USH2A: variants seen among roughly 807,000 people sequenced by gnomAD.
USH2A encodes usherin.
USH2A carries 443 observed loss-of-function variants against 538.9 expected under a neutral mutation model. The ratio of observed to expected loss-of-function variants is 0.82; its 90% CI spans 0.76 to 0.89. The LOEUF is 0.89. USH2A is among the 40% of genes least tolerant of loss of function. The probability of loss-of-function intolerance (pLI) is 0.00; values close to 1 mark genes in which losing one functional copy is unlikely to be tolerated. For synonymous variants in USH2A, 2,413 were observed against 2,273.5 expected (o/e 1.06, Z -1.75); for missense variants, 6,633 against 6,324.8 (o/e 1.05, Z -1.65).
At chr1:216,166,782 T>C (rs1312757597) in intron 21 of USH2A, among the ~76,000 whole-genome samples, 1 of 152,054 alleles carries the variant, frequency 6.6e-6, no homozygotes, top group East Asian at 1.9e-4. Flanking sequence ...GGGAAGAAGC[T>C]GAGAAAAATG....
intron 36 of USH2A, 76 bp downstream of exon 36, chr1:215,970,549 G>A (rs573134981): frequency 5.1e-5 from 81 of 1,591,034 alleles, no homozygotes; most frequent in African/African-American, 2.6e-4. Context: ...GTGAGTCACC[G>A]CCACTTACTT....
intron 35 of USH2A, among the ~76,000 whole-genome samples, 170 bp downstream of exon 35, chr1:215,992,850 T>C (rs375597974): frequency 3.1e-4 from 47 of 152,316 alleles, no homozygotes; most frequent in African/African-American, 1.1e-3. Flanking sequence ...AAATTGTGTG[T>C]TAGCCTAAAA....
At chr1:215,703,784 G>A (rs1659101735) in intron 61 of USH2A, among the ~76,000 whole-genome samples, 4 of 152,136 alleles carry the variant, frequency 2.6e-5, no homozygotes, top group South Asian at 2.1e-4. Flanking sequence ...AAGACCACAC[G>A]GCTCCCTGGC....
chr1:215,788,082 T>C (rs1182040186), intron 51 of USH2A, among the ~76,000 whole-genome samples: 1 of 152,016 alleles, frequency 6.6e-6, no homozygotes, highest in Non-Finnish European at 1.5e-5. Flanking sequence ...TATCTATCTA[T>C]CCTCTAAAAG....
intron 69 of USH2A, among the ~76,000 whole-genome samples, chr1:215,637,057 A>G (rs78598453): frequency 6.6e-6 from 1 of 152,090 alleles, no homozygotes; most frequent in East Asian, 2.0e-4. Context: ...TGTGCATCAC[A>G]TGGGAGGTTC....
At chr1:216,103,303 C>A (rs1454459292) in intron 21 of USH2A, among the ~76,000 whole-genome samples, 1 of 152,206 alleles carries the variant, frequency 6.6e-6, no homozygotes, top group African/African-American at 2.4e-5. Flanking sequence ...TTGCACTTTT[C>A]TGTATGTATG....
chr1:216,286,740 T>C (rs958715556), intron 11 of USH2A, among the ~76,000 whole-genome samples: 3 of 151,728 alleles, frequency 2.0e-5, no homozygotes, highest in Non-Finnish European at 4.4e-5. Flanking sequence ...AATAAATAAA[T>C]AAATAAATAA....
intron 35 of USH2A, among the ~76,000 whole-genome samples, chr1:215,988,294 T>C (rs1667919928): frequency 6.6e-6 from 1 of 152,156 alleles, no homozygotes; most frequent in South Asian, 2.1e-4. Flanking sequence ...ATTTGTCTTT[T>C]TGTGAGTGGC....
rs1438667384 is a variant in USH2A at position 216,377,814 on chromosome 1, A to AGAAAGAGAAG, written c.652-12730_652-12729insCTTCTCTTTC. Among the ~76,000 whole-genome samples, 40 of 15,770 alleles carry AGAAAGAGAAG rather than the reference A, an allele frequency of 2.5e-3. 2 individuals are homozygous for AGAAAGAGAAG. Among genetic ancestry groups the AGAAAGAGAAG allele is most frequent in the African/African-American group, 6.5e-3 (35 of 5,382 alleles). The allele number at this position is 15,770 out of a possible 152,430, so 10.3% of individuals were successfully genotyped here. Reference sequence around the variant, plus strand: ...AAGAGAAGGAAAGAAATAAAAAGAAAGAAAGAAAGAAAGAAAGAAAGAAAG... The same window carrying AGAAAGAGAAG: ...AAGAGAAGGAAAGAAATAAAAAGAAAGAAAGAGAAGGAAAGAAAGAAAGAAAGAAAGAAAG... On this transcript the variant is annotated intron_variant, in intron 3 of 71. Transcript: ENST00000307340.
At chr1:216,148,655 C>T (rs1168293374) in intron 21 of USH2A, among the ~76,000 whole-genome samples, 1 of 152,064 alleles carries the variant, frequency 6.6e-6, no homozygotes, top group Non-Finnish European at 1.5e-5. Context: ...TGTCCTAAAA[C>T]CAGACAAGCC....
chr1:216,246,739 G>C lies in USH2A; in HGVS notation c.2655C>G (p.His885Gln). ...AATTGTCAATGGTCAAATTGTACCT[G>C]TGAGGCTCACACTGATTACAGCGAA... is the stretch of plus-strand genomic sequence containing the variant. ...TGLRCNQCEP[H>Q]RYNLTIDNFQ... Residue 885 changes from histidine to glutamine, a missense_variant, in exon 13 of 72, where the codon CAC becomes CAG. Transcript: ENST00000307340. 6.2e-7 allele frequency: 1 copy of C among 1,614,100 alleles called. No individual in the cohort carries two copies. The highest frequency in any genetic ancestry group is 8.5e-7 in the Non-Finnish European group (1 of 1,179,984).
chr1:216,051,070 G>A (rs528175577), intron 30 of USH2A, among the ~76,000 whole-genome samples: 1 of 151,770 alleles, frequency 6.6e-6, no homozygotes, highest in Non-Finnish European at 1.5e-5. Flanking sequence ...ACTGACTCAT[G>A]TTCCTCTCAC....
At chr1:216,221,783 T>G (rs2035461708) in intron 14 of USH2A, among the ~76,000 whole-genome samples, 1 of 152,192 alleles carries the variant, frequency 6.6e-6, no homozygotes, top group Admixed American at 6.5e-5. Context: ...AATAACTAAA[T>G]AACTTTCAGA....
chr1:215,948,852 G>A (rs1666824853), intron 37 of USH2A, among the ~76,000 whole-genome samples: 1 of 151,942 alleles, frequency 6.6e-6, no homozygotes, highest in South Asian at 2.1e-4. Context: ...ATAACTGGAA[G>A]CAAATAATTA....
At chr1:216,092,281 C>T (rs372661073) in intron 22 of USH2A, among the ~76,000 whole-genome samples, 4 of 152,154 alleles carry the variant, frequency 2.6e-5, no homozygotes, top group African/African-American at 9.6e-5. Context: ...TAGACTTTGC[C>T]CTCACTGGAT....
At chr1:215,638,458 G>T in intron 69 of USH2A, among the ~76,000 whole-genome samples, 1 of 151,602 alleles carries the variant, frequency 6.6e-6, no homozygotes, top group East Asian at 1.9e-4. Flanking sequence ...CATCTCTACT[G>T]TAAATACAAG....
At chr1:216,310,395 A>T (rs76524598) in intron 9 of USH2A, among the ~76,000 whole-genome samples, 7,356 of 152,008 alleles carry the variant, frequency 0.048, 261 homozygotes, top group Non-Finnish European at 0.076. Context: ...AAATTTTGGA[A>T]TTTTTTGTTA....
intron 59 of USH2A, among the ~76,000 whole-genome samples, chr1:215,742,502 G>T (rs1043243469): frequency 1.3e-5 from 2 of 151,664 alleles, no homozygotes; most frequent in Non-Finnish European, 2.9e-5. Flanking sequence ...ATCCATATCT[G>T]TTAAAGTTTA....
intron 44 of USH2A, among the ~76,000 whole-genome samples, chr1:215,857,422 G>A (rs1193684457): frequency 1.3e-5 from 2 of 152,132 alleles, no homozygotes; most frequent in African/African-American, 2.4e-5. Flanking sequence ...CCTGCAGGAT[G>A]GCCATTCAGA....
Sources: gnomAD v4.1 joint callset for allele counts (sites outside exome capture counted in the v4.1 genomes callset) on GRCh38, gnomAD v4.1.1 for gene constraint, MANE v1.5 for transcripts, NCBI Gene and HGNC (gene_info 2026-07-23, HGNC 2026-07-21) for gene names.